Variants in MYO6 observed in about 807,000 individuals in gnomAD.
MYO6 encodes the protein myosin VI.
In MYO6, 74 loss-of-function variants were observed where a neutral mutation model predicts 178.7. The observed-to-expected ratio is 0.41, with a 90% CI of 0.34 to 0.50. The LOEUF (loss-of-function observed/expected upper bound fraction) is 0.50, where lower values mean the gene tolerates loss of function less well. Among genes scored for constraint, MYO6 ranks in the 20% least tolerant of loss-of-function variants. The pLI is 0.09. For missense variants in MYO6, 1,330 were observed against 1,547.4 expected (o/e 0.86, Z 2.36); for synonymous variants, 477 against 504.6 (o/e 0.95, Z 0.73).
chr6:75,859,065 C>A, intron 14 of MYO6, 72 bp downstream of exon 14: 2 of 1,018,588 alleles, frequency 2.0e-6, no homozygotes, highest in Non-Finnish European at 3.0e-6. Flanking sequence ...AGATATGCTG[C>A]AGTTACCCTG....
chr6:75,869,242 G>T (rs1776947429), intron 18 of MYO6, among the ~76,000 whole-genome samples: 1 of 151,926 alleles, frequency 6.6e-6, no homozygotes, highest in Non-Finnish European at 1.5e-5. Flanking sequence ...AGATAAGTGG[G>T]ATACAACTGT....
chr6:75,896,343 A>G (rs1206485758), intron 29 of MYO6, among the ~76,000 whole-genome samples: 1 of 152,258 alleles, frequency 6.6e-6, no homozygotes, highest in Non-Finnish European at 1.5e-5. Flanking sequence ...TAACTGTAGT[A>G]GAAGACATGA....
intron 30 of MYO6, among the ~76,000 whole-genome samples, chr6:75,902,986 C>G (rs1188179093): frequency 2.0e-5 from 3 of 151,552 alleles, no homozygotes; most frequent in Non-Finnish European, 4.4e-5. Context: ...GTTATGTACC[C>G]AGTAGTCATT....
chr6:75,786,059 G>A (rs1210321052), intron 1 of MYO6, among the ~76,000 whole-genome samples: 2 of 151,886 alleles, frequency 1.3e-5, no homozygotes, highest in African/African-American at 4.8e-5. Context: ...GGGATTACAG[G>A]CACCTGCCAC....
chr6:75,757,216 TATATAC>T (rs1777507492), intron 1 of MYO6, among the ~76,000 whole-genome samples: 1 of 148,088 alleles, frequency 6.8e-6, no homozygotes, highest in South Asian at 2.1e-4. Flanking sequence ...TATATAGACA[TATATAC>T]ATATACATAT....
intron 4 of MYO6, among the ~76,000 whole-genome samples, 174 bp from the exon 5 acceptor site, chr6:75,830,242 A>G (rs1583212658): frequency 6.6e-6 from 1 of 152,220 alleles, no homozygotes; most frequent in Admixed American, 6.5e-5. Context: ...AATTGGAGAA[A>G]TATGGGTCCC....
At chr6:75,776,987 C>T (rs1445954948) in intron 1 of MYO6, among the ~76,000 whole-genome samples, 1 of 152,020 alleles carries the variant, frequency 6.6e-6, no homozygotes, top group Non-Finnish European at 1.5e-5. Flanking sequence ...GCATAGTTTA[C>T]GAAACCATTT....
intron 28 of MYO6, chr6:75,894,914 G>GCAAAGAGATGGTTT: frequency 9.9e-7 from 1 of 1,007,468 alleles, no homozygotes; most frequent in Non-Finnish European, 1.4e-6. Context: ...GATTCTTGAT[G>GCAAAGAGATGGTTT]CAAAGAGATG....
rs189498839 is a variant in MYO6, at chr6:75,781,542, T to G, written c.-48+32119T>G. On this transcript the variant is annotated intron_variant, in intron 1 of 34. Transcript: ENST00000369977. ...ATGGAGTTGACACGTTGATCTCTGC[T>G]GGGGATAACTCAGCTTTCCAGGTTT... Among the ~76,000 whole-genome samples the G allele has an allele frequency of 4.4e-3, 668 of 152,290 alleles. 2 individuals are homozygous for G. The highest frequency in any genetic ancestry group is 8.9e-3 in the South Asian group (43 of 4,828).
chr6:75,801,059 C>G (rs1405666365), intron 1 of MYO6, among the ~76,000 whole-genome samples: 1 of 152,054 alleles, frequency 6.6e-6, no homozygotes, highest in Non-Finnish European at 1.5e-5. Context: ...AACATTGATG[C>G]CATGATTAGC....
At chr6:75,848,187 C>G (rs1383975173) in intron 10 of MYO6, among the ~76,000 whole-genome samples, 164 bp from the exon 11 acceptor site, 1 of 152,094 alleles carries the variant, frequency 6.6e-6, no homozygotes, top group African/African-American at 2.4e-5. Context: ...CCTGTGTATA[C>G]TTTTCATGGT....
intron 17 of MYO6, 142 bp downstream of exon 17, chr6:75,866,763 A>G (rs924366039): frequency 9.5e-7 from 1 of 1,050,960 alleles, no homozygotes; most frequent in Non-Finnish European, 1.5e-6. Context: ...TCCTCAGTAC[A>G]CTAGCCACAC....
intron 1 of MYO6, among the ~76,000 whole-genome samples, chr6:75,754,519 C>CAAAAA (rs58162315): frequency 0.3 from 13,120 of 44,148 alleles, 5,033 homozygotes; most frequent in East Asian, 0.45. Context: ...GACTCCGTCT[C>CAAAAA]AAAAAAAAAA....
intron 26 of MYO6, among the ~76,000 whole-genome samples, chr6:75,890,555 G>A (rs1206362758): frequency 6.6e-6 from 1 of 152,152 alleles, no homozygotes; most frequent in Non-Finnish European, 1.5e-5. Flanking sequence ...ATGTTGGCCA[G>A]GCTGGTCTCA....
chr6:75,802,479 ATTTTTT>A (rs1300270453), intron 1 of MYO6, among the ~76,000 whole-genome samples: 1 of 116,466 alleles, frequency 8.6e-6, no homozygotes, highest in South Asian at 3.1e-4. Context: ...AAAAAAAAAA[ATTTTTT>A]TTTTTTTTTT....
chr6:75,872,649 T>G (rs11966421), intron 19 of MYO6, among the ~76,000 whole-genome samples: 2,480 of 152,348 alleles, frequency 0.016, 71 homozygotes, highest in African/African-American at 0.057. Flanking sequence ...TGTTAAACTT[T>G]ACAGTGAAAG....
At chr6:75,787,718 CTCTCTCTCTCTCTATATATATATATATA>C (rs1767767223) in intron 1 of MYO6, among the ~76,000 whole-genome samples, 4 of 41,828 alleles carry the variant, frequency 9.6e-5, no homozygotes, top group Non-Finnish European at 1.7e-4. Flanking sequence ...CTCTCTCTCT[CTCTCTCTCTCTCTATATATATATATATA>C]TATATATATA....
In MYO6 at chr6:75,883,935, G is replaced by T. The variant is rs143705155; in HGVS notation, c.2417-2069G>T. Among the ~76,000 whole-genome samples the T allele has an allele frequency of 1.8e-3, 280 of 152,274 alleles. 3 individuals are homozygous for T. In the East Asian group the frequency reaches 0.029, roughly 16 times the overall value. On this transcript the variant is annotated intron_variant, in intron 23 of 34. Transcript: ENST00000369977. ...TTTTGAGGTATTTTGTTAGACAATTGTGAATATAGATAAAAAGAGAACTAT... is the reference window on the plus strand; with the variant it reads ...TTTTGAGGTATTTTGTTAGACAATTTTGAATATAGATAAAAAGAGAACTAT...
At chr6:75,908,385 C>A in intron 31 of MYO6, 111 bp from the exon 32 acceptor site, 1 of 983,230 alleles carries the variant, frequency 1.0e-6, no homozygotes, top group Non-Finnish European at 1.5e-6. Flanking sequence ...GATTTTGTAC[C>A]ATTAATTTAA....
Sources: allele counts gnomAD v4.1 joint callset (sites outside exome capture counted in the v4.1 genomes callset), GRCh38; gene constraint gnomAD v4.1.1; transcripts MANE v1.5; gene names NCBI Gene and HGNC (gene_info 2026-07-23, HGNC 2026-07-21).